EDIL3: variants seen among roughly 807,000 people sequenced by gnomAD.
EDIL3 encodes the protein EGF-like repeat and discoidin I-like domain-containing protein 3.
In EDIL3, 37 loss-of-function variants were observed where a neutral mutation model predicts 67.4. The observed-to-expected ratio is 0.55, with a 90% CI of 0.42 to 0.72. EDIL3 has a LOEUF of 0.72. Among genes scored for constraint, EDIL3 ranks in the 30% least tolerant of loss-of-function variants. EDIL3 has a pLI of 0.00. For synonymous variants in EDIL3, 195 were observed against 196.3 expected, an observed-to-expected ratio of 0.99 and a Z score of 0.05; for missense variants, 527 against 586.3, an observed-to-expected ratio of 0.90 and a Z score of 1.04.
At chr5:84,079,864 C>T (rs1746930792) in intron 6 of EDIL3, among the ~76,000 whole-genome samples, 1 of 152,154 alleles carries the variant, frequency 6.6e-6, no homozygotes, top group Admixed American at 6.5e-5. Flanking sequence ...CCTGTTCTTT[C>T]ACATTATCTT....
intron 1 of EDIL3, among the ~76,000 whole-genome samples, chr5:84,272,261 C>T (rs578147843): frequency 4.5e-4 from 68 of 151,950 alleles, no homozygotes; most frequent in African/African-American, 1.5e-3. Flanking sequence ...TAGTTACTAC[C>T]TAGGCAAATT....
At chr5:84,355,757 C>T (rs1170842887) in intron 1 of EDIL3, among the ~76,000 whole-genome samples, 1 of 152,180 alleles carries the variant, frequency 6.6e-6, no homozygotes, top group African/African-American at 2.4e-5. Context: ...TCAGGAGGCA[C>T]AGGCATCAGG....
intron 6 of EDIL3, among the ~76,000 whole-genome samples, chr5:84,067,441 G>A (rs1275306154): frequency 6.6e-6 from 1 of 151,988 alleles, no homozygotes; most frequent in East Asian, 1.9e-4. Flanking sequence ...TTCACATATT[G>A]TAAACATTAA....
intron 3 of EDIL3, among the ~76,000 whole-genome samples, chr5:84,207,663 T>A (rs1399997646): frequency 1.3e-5 from 2 of 151,772 alleles, no homozygotes; most frequent in Non-Finnish European, 2.9e-5. Flanking sequence ...AAGGCTACAG[T>A]AACCAAAACA....
intron 1 of EDIL3, among the ~76,000 whole-genome samples, chr5:84,351,126 T>C (rs1747348367): frequency 6.6e-6 from 1 of 152,140 alleles, no homozygotes; most frequent in Non-Finnish European, 1.5e-5. Context: ...TCCTTTAAAT[T>C]AGCTTTTTAG....
chr5:84,021,681 GGCT>G (rs1280042823), intron 9 of EDIL3, among the ~76,000 whole-genome samples: 8 of 151,908 alleles, frequency 5.3e-5, no homozygotes, highest in African/African-American at 1.9e-4. Flanking sequence ...GGCAGTTGTT[GGCT>G]AAAATGTTCT....
At chr5:84,005,046 T>C (rs1269697491) in intron 9 of EDIL3, among the ~76,000 whole-genome samples, 1 of 152,082 alleles carries the variant, frequency 6.6e-6, no homozygotes, top group Non-Finnish European at 1.5e-5. Context: ...AACCCTCATA[T>C]ACTATTATGA....
chr5:84,050,071 G>A (rs1311838672), intron 9 of EDIL3, among the ~76,000 whole-genome samples: 23 of 151,702 alleles, frequency 1.5e-4, no homozygotes, highest in Admixed American at 1.2e-3. Context: ...GGTGGCGCAC[G>A]CCTGTAGTCC....
At chr5:84,109,665 G>A (rs1281464465) in intron 5 of EDIL3, among the ~76,000 whole-genome samples, 1 of 151,960 alleles carries the variant, frequency 6.6e-6, no homozygotes, top group Non-Finnish European at 1.5e-5. Context: ...ACCAGTCCTC[G>A]ATTCTATATT....
chr5:84,227,503 A>T (rs544295159), intron 3 of EDIL3, among the ~76,000 whole-genome samples: 6 of 152,196 alleles, frequency 3.9e-5, no homozygotes, highest in Admixed American at 3.9e-4. Flanking sequence ...TTCAGCCACT[A>T]TAGAAGGCAG....
chr5:84,013,806 CA>C (rs1481141664), intron 9 of EDIL3, among the ~76,000 whole-genome samples: 2 of 152,144 alleles, frequency 1.3e-5, no homozygotes, highest in Non-Finnish European at 2.9e-5. Context: ...ACCTGTCTTC[CA>C]GGGGATAACC....
intron 4 of EDIL3, among the ~76,000 whole-genome samples, chr5:84,141,951 A>ATATCTATCTATC (rs1561443850): frequency 1.0e-5 from 1 of 97,756 alleles, no homozygotes; most frequent in South Asian, 3.3e-4. Context: ...ATATATACAT[A>ATATCTATCTATC]GATCTATCTA....
chr5:84,092,730 T>C (rs1747189007), intron 6 of EDIL3, among the ~76,000 whole-genome samples: 1 of 152,112 alleles, frequency 6.6e-6, no homozygotes, highest in Admixed American at 6.6e-5. Flanking sequence ...GGTGTGATTA[T>C]AATAATACAT....
At chr5:84,242,717 G>C (rs1409729896) in intron 2 of EDIL3, among the ~76,000 whole-genome samples, 2 of 149,066 alleles carry the variant, frequency 1.3e-5, no homozygotes, top group African/African-American at 5.0e-5. Flanking sequence ...AAGATCACTT[G>C]AGCCCCGGAC....
chr5:84,202,483 A>C (rs1743864356), intron 3 of EDIL3, among the ~76,000 whole-genome samples: 1 of 152,182 alleles, frequency 6.6e-6, no homozygotes, highest in African/African-American at 2.4e-5. Flanking sequence ...TTTTAGTACT[A>C]TAGGATATCA....
rs748238960 is a variant in EDIL3, at chr5:84,035,085, C to T, written c.1137+25215G>A. Among the ~76,000 whole-genome samples the T allele has an allele frequency of 3.5e-4, 53 of 151,942 alleles. 1 individual carries two copies. Among genetic ancestry groups the T allele is most frequent in the South Asian group, 2.1e-4 (1 of 4,802 alleles). On this transcript the variant is annotated intron_variant, in intron 9 of 10. Coordinates refer to ENST00000296591, the MANE Select transcript of EDIL3 (RefSeq NM_005711.5). The stretch of plus-strand genomic sequence containing the variant: ...ACTTAGAATGTTTTTCAAGCTAATA[C>T]GACTTTGGGAATGATTAAACTGAAT...
chr5:84,273,031 A>T (rs1482770857), intron 1 of EDIL3, among the ~76,000 whole-genome samples: 1 of 152,070 alleles, frequency 6.6e-6, no homozygotes, highest in Non-Finnish European at 1.5e-5. Flanking sequence ...GCTTGTCTCC[A>T]GTATCTAGTT....
Position 84,269,340 on chromosome 5 carries a change from A to G in EDIL3, c.68-15128T>C, listed in dbSNP as rs541143086. ...TTTTCCTTTTACAAAGTATTTATGA[A>G]TCAATCACCCTTGTACAAATATCTC... On this transcript the variant is annotated intron_variant, in intron 1 of 10. Transcript: ENST00000296591. 6.6e-5 allele frequency among the ~76,000 whole-genome samples: 10 copies of G among 152,294 alleles called. No individual in the cohort carries two copies. In the South Asian group the frequency reaches 1.9e-3, roughly 28 times the overall value.
At chr5:84,172,404 A>G (rs1278456016) in intron 4 of EDIL3, among the ~76,000 whole-genome samples, 1 of 152,100 alleles carries the variant, frequency 6.6e-6, no homozygotes, top group Non-Finnish European at 1.5e-5. Context: ...CAACATGACG[A>G]AACTCTGACT....
Sources: allele counts gnomAD v4.1 joint callset (sites outside exome capture counted in the v4.1 genomes callset), GRCh38; gene constraint gnomAD v4.1.1; transcripts MANE v1.5; gene names NCBI Gene and HGNC (gene_info 2026-07-23, HGNC 2026-07-21).